The following NRXN3 variants were observed in gnomAD, a reference collection of about 807,000 sequenced individuals.
The protein encoded by NRXN3 is neurexin III.
In NRXN3, 32 loss-of-function variants were observed where a neutral mutation model predicts 137.6. The observed-to-expected ratio is 0.23, with a 90% CI of 0.18 to 0.31. The LOEUF (loss-of-function observed/expected upper bound fraction) is 0.31, where lower values mean the gene tolerates loss of function less well. Among genes scored for constraint, NRXN3 ranks in the 10% least tolerant of loss-of-function variants. The pLI is 1.00. For missense variants in NRXN3, 1,574 were observed against 2,062.5 expected, an observed-to-expected ratio of 0.76 and a Z score of 4.59; for synonymous variants, 798 against 784.5, an observed-to-expected ratio of 1.02 and a Z score of -0.29.
chr14:79,173,512 C>T (rs1596805726), intron 15 of NRXN3, among the ~76,000 whole-genome samples: 1 of 98,576 alleles, frequency 1.0e-5, no homozygotes, highest in Admixed American at 1.5e-4. Flanking sequence ...GCCTAGGTGA[C>T]AGAGCAAGAC....
intron 20 of NRXN3, among the ~76,000 whole-genome samples, chr14:79,819,482 C>CTTTTTT (rs58492725): frequency 0.2 from 13,976 of 71,372 alleles, 2,678 homozygotes; most frequent in Non-Finnish European, 0.25. Flanking sequence ...ACATTAAAAG[C>CTTTTTT]TTTTTTTTTT....
At chr14:79,292,915 G>A (rs1402497285) in intron 15 of NRXN3, among the ~76,000 whole-genome samples, 1 of 152,126 alleles carries the variant, frequency 6.6e-6, no homozygotes, top group African/African-American at 2.4e-5. Flanking sequence ...TACTGCTCTG[G>A]TATCATTTAT....
At chr14:79,367,145 A>C (rs1432929950) in intron 15 of NRXN3, among the ~76,000 whole-genome samples, 1 of 151,726 alleles carries the variant, frequency 6.6e-6, no homozygotes, top group Admixed American at 6.6e-5. Flanking sequence ...CACCACGCCT[A>C]GCTTATTTTT....
chr14:79,481,655 G>C (rs2096609667), intron 16 of NRXN3, among the ~76,000 whole-genome samples: 1 of 152,214 alleles, frequency 6.6e-6, no homozygotes, highest in Admixed American at 6.5e-5. Context: ...TGCCCAGATG[G>C]AGCCAATTTA....
At chr14:79,668,613 T>A (rs1355756430) in intron 17 of NRXN3, among the ~76,000 whole-genome samples, 1 of 152,140 alleles carries the variant, frequency 6.6e-6, no homozygotes, top group Non-Finnish European at 1.5e-5. Context: ...TATTCTCAAA[T>A]GGAAATCTCT....
chr14:79,071,539 A>C (rs1318095699), intron 15 of NRXN3, among the ~76,000 whole-genome samples: 1 of 152,190 alleles, frequency 6.6e-6, no homozygotes, highest in African/African-American at 2.4e-5. Flanking sequence ...ATTTGCAGTC[A>C]GTGAAAACAA....
At chr14:78,328,252 T>G (rs1303180686) in intron 4 of NRXN3, among the ~76,000 whole-genome samples, 4 of 152,102 alleles carry the variant, frequency 2.6e-5, no homozygotes, top group African/African-American at 7.2e-5. Context: ...CATGAGACGT[T>G]TTTGACTGTT....
intron 15 of NRXN3, among the ~76,000 whole-genome samples, chr14:79,177,950 T>A (rs1263131100): frequency 6.6e-5 from 10 of 152,204 alleles, no homozygotes; most frequent in Non-Finnish European, 1.3e-4. Flanking sequence ...ACTAATTTGT[T>A]TGAAGAATAG....
chr14:79,406,820 A>C (rs2095323418), intron 15 of NRXN3, among the ~76,000 whole-genome samples: 1 of 152,144 alleles, frequency 6.6e-6, no homozygotes, highest in Non-Finnish European at 1.5e-5. Context: ...GCTATGTATG[A>C]TTAAAGGATT....
At chr14:79,699,769 G>A (rs183974956) in intron 19 of NRXN3, among the ~76,000 whole-genome samples, 355 of 152,122 alleles carry the variant, frequency 2.3e-3, no homozygotes, top group Non-Finnish European at 3.4e-3. Flanking sequence ...TCTCTGGCAT[G>A]TGTTTCTTTA....
intron 15 of NRXN3, among the ~76,000 whole-genome samples, chr14:78,991,123 G>A (rs1271696121): frequency 1.3e-5 from 2 of 152,152 alleles, no homozygotes; most frequent in African/African-American, 4.8e-5. Context: ...AAAAGTGGTG[G>A]GGGAAATTGC....
intron 15 of NRXN3, among the ~76,000 whole-genome samples, chr14:79,178,708 A>G (rs1568513975): frequency 1.3e-5 from 2 of 152,208 alleles, no homozygotes; most frequent in South Asian, 2.1e-4. Flanking sequence ...GCACAAGACA[A>G]CATGATCTCT....
chr14:78,252,931 G>A (rs954802364), intron 2 of NRXN3, among the ~76,000 whole-genome samples: 1 of 152,200 alleles, frequency 6.6e-6, no homozygotes, highest in African/African-American at 2.4e-5. Context: ...GGACAGGCTG[G>A]GAGTTTACCA....
chr14:79,122,707 T>G (rs1205779663), intron 15 of NRXN3, among the ~76,000 whole-genome samples: 1 of 152,214 alleles, frequency 6.6e-6, no homozygotes. Context: ...GCCCATTCAT[T>G]TATTCATACA....
At chr14:78,675,447 T>C (rs1447585128) in intron 6 of NRXN3, among the ~76,000 whole-genome samples, 2 of 152,204 alleles carry the variant, frequency 1.3e-5, no homozygotes, top group African/African-American at 2.4e-5. Flanking sequence ...GGAGAGTAAC[T>C]GGTCCAGTGC....
chr14:79,327,331 G>T (rs1477120886), intron 15 of NRXN3, among the ~76,000 whole-genome samples: 4 of 152,116 alleles, frequency 2.6e-5, no homozygotes, highest in African/African-American at 9.7e-5. Context: ...ATAGATTCTT[G>T]ATTCAAGGGT....
At chr14:79,412,190 C>T (rs1404902413) in intron 15 of NRXN3, among the ~76,000 whole-genome samples, 13 of 152,050 alleles carry the variant, frequency 8.5e-5, no homozygotes, top group Admixed American at 7.2e-4. Flanking sequence ...TTGCTTGCTC[C>T]TTGACGTTAG....
chr14:78,746,187 A>C (rs2098606351), intron 8 of NRXN3, among the ~76,000 whole-genome samples: 1 of 152,180 alleles, frequency 6.6e-6, no homozygotes, highest in African/African-American at 2.4e-5. Flanking sequence ...CATTAGATTA[A>C]AAGGCTGCTA....
At chr14:78,315,327 G>C (rs960935099) in intron 4 of NRXN3, among the ~76,000 whole-genome samples, 2 of 152,072 alleles carry the variant, frequency 1.3e-5, no homozygotes, top group African/African-American at 4.8e-5. Context: ...AAACCCTTCA[G>C]AGTTACTTAC....
Sources: allele counts gnomAD v4.1 joint callset (sites outside exome capture counted in the v4.1 genomes callset), GRCh38; gene constraint gnomAD v4.1.1; transcripts MANE v1.5; gene names NCBI Gene and HGNC (gene_info 2026-07-23, HGNC 2026-07-21).